The following CREB5 variants were observed in gnomAD, a reference collection of about 807,000 sequenced individuals.
The protein encoded by CREB5 is cyclic AMP-responsive element-binding protein 5.
In CREB5, 19 loss-of-function variants were observed where a neutral mutation model predicts 57.1. The ratio of observed to expected loss-of-function variants is 0.33; its 90% CI spans 0.23 to 0.49. CREB5 has a LOEUF of 0.49. CREB5 is among the 20% of genes least tolerant of loss of function. CREB5 has a pLI of 0.99. For synonymous variants in CREB5, 238 were observed against 238.3 expected, an observed-to-expected ratio of 1.00 and a Z score of 0.01; for missense variants, 579 against 671.6, an observed-to-expected ratio of 0.86 and a Z score of 1.52.
At chr7:28,756,589 T>C (rs1805325063) in intron 7 of CREB5, among the ~76,000 whole-genome samples, 1 of 150,584 alleles carries the variant, frequency 6.6e-6, no homozygotes, top group Admixed American at 6.6e-5. Flanking sequence ...TGAGTCTAAG[T>C]AGCCCTTGCA....
chr7:28,408,285 C>T (rs1787633168), upstream of CREB5, among the ~76,000 whole-genome samples: 2 of 152,194 alleles, frequency 1.3e-5, no homozygotes, highest in African/African-American at 4.8e-5. Context: ...CACGTGGTCG[C>T]AAGCGCTTTG....
At chr7:28,466,210 T>TAAAAAA (rs5883134) in intron 1 of CREB5, among the ~76,000 whole-genome samples, 1 of 94,746 alleles carries the variant, frequency 1.1e-5, no homozygotes, top group African/African-American at 4.0e-5. Flanking sequence ...TGACTGGAGT[T>TAAAAAA]AAAAAAAAAA....
At chr7:28,419,682 T>C (rs1257612601) in intron 1 of CREB5, among the ~76,000 whole-genome samples, 1 of 152,264 alleles carries the variant, frequency 6.6e-6, no homozygotes, top group African/African-American at 2.4e-5. Flanking sequence ...AATGTGCTTA[T>C]CATTTTTTTT....
At chr7:28,458,772 G>C (rs539742542) in intron 1 of CREB5, among the ~76,000 whole-genome samples, 1 of 152,186 alleles carries the variant, frequency 6.6e-6, no homozygotes, top group Non-Finnish European at 1.5e-5. Flanking sequence ...TCTTGGAAGA[G>C]GTGTCATGGG....
intron 1 of CREB5, among the ~76,000 whole-genome samples, chr7:28,391,611 C>T (rs1042807275): frequency 1.3e-5 from 2 of 152,218 alleles, no homozygotes; most frequent in Non-Finnish European, 2.9e-5. Context: ...TGGTCAATCA[C>T]TTGGCATCCC....
chr7:28,531,364 C>T (rs569664589), intron 4 of CREB5, among the ~76,000 whole-genome samples: 8 of 152,234 alleles, frequency 5.3e-5, no homozygotes, highest in South Asian at 2.1e-4. Flanking sequence ...CTCCTGGCTT[C>T]GAGTGTTTTG....
chr7:28,369,219 C>T lies in CREB5; in HGVS notation c.-25+69778C>T, dbSNP rs148583995. ...GCTCAATATGTAGTTGTTGAATAGA[C>T]GCAGAAATTTTTACTGTTTGCTACA... On this transcript the variant is annotated intron_variant, in intron 1 of 9. Transcript: ENST00000396299. Among the ~76,000 whole-genome samples, 44 of 152,230 alleles carry T rather than the reference C, an allele frequency of 2.9e-4. No individual in the cohort carries two copies. The East Asian group carries it at 7.4e-3, about 25-fold the overall frequency.
chr7:28,807,954 G>A (rs1808845294), intron 8 of CREB5, among the ~76,000 whole-genome samples: 1 of 152,128 alleles, frequency 6.6e-6, no homozygotes, highest in Non-Finnish European at 1.5e-5. Flanking sequence ...TATGTGTGGG[G>A]GTCTCCAAGC....
In CREB5 at chr7:28,617,882, G is replaced by GT. The variant is rs199915199; in HGVS notation, c.464+47346dup. ...TATTGAATGACTCCTTTGAGCAGCA[G>GT]TATAGGTGTCATAGTGGTGTCATAT... On this transcript the variant is annotated intron_variant, in intron 5 of 10. Coordinates refer to ENST00000357727, the MANE Select transcript of CREB5 (RefSeq NM_182898.4). 7.6e-3 allele frequency among the ~76,000 whole-genome samples: 1,152 copies of GT among 152,348 alleles called. 51 individuals are homozygous for GT. Among genetic ancestry groups the GT allele is most frequent in the Admixed American group, 0.069 (1,049 of 15,302 alleles).
intron 1 of CREB5, among the ~76,000 whole-genome samples, chr7:28,367,916 A>C (rs1397148052): frequency 6.6e-6 from 1 of 152,170 alleles, no homozygotes; most frequent in Non-Finnish European, 1.5e-5. Context: ...CTCCCTCCCT[A>C]GACTAAGATG....
intron 7 of CREB5, among the ~76,000 whole-genome samples, chr7:28,737,679 A>G (rs1273220656): frequency 6.6e-6 from 1 of 150,416 alleles, no homozygotes; most frequent in Non-Finnish European, 1.5e-5. Flanking sequence ...GCATAGTCTC[A>G]GGAAGGAGAA....
chr7:28,343,227 A>G (rs1413450658), intron 1 of CREB5, among the ~76,000 whole-genome samples: 1 of 152,236 alleles, frequency 6.6e-6, no homozygotes, highest in African/African-American at 2.4e-5. Context: ...GGCATGAGCC[A>G]CTGCGCCTGG....
chr7:28,341,070 C>T lies in CREB5; in HGVS notation c.-25+41629C>T, dbSNP rs113599372. On this transcript the variant is annotated intron_variant, in intron 1 of 9. Coordinates refer to the CREB5 transcript ENST00000396299. ...TTCTTCAGAGCCCCTTTCAGTGATA[C>T]GAAGTTAAAACTAGGTACTGTGACC... Among the ~76,000 whole-genome samples, 976 of 152,166 alleles carry T rather than the reference C, an allele frequency of 6.4e-3. 5 individuals are homozygous for T. Among genetic ancestry groups the T allele is most frequent in the African/African-American group, 0.022 (915 of 41,516 alleles).
rs114331485 is a variant in CREB5, at chr7:28,389,790, T to G, written c.-25+90349T>G. Reference sequence around the variant, plus strand: ...AACAAGCGTCCCTCTGCTGGCTTATTTAATGCAGAAGTCTGAGCGGCCCCT... The same window carrying G: ...AACAAGCGTCCCTCTGCTGGCTTATGTAATGCAGAAGTCTGAGCGGCCCCT... On this transcript the variant is annotated intron_variant, in intron 1 of 9. Transcript: ENST00000396299. 9.4e-3 allele frequency among the ~76,000 whole-genome samples: 1,437 copies of G among 152,258 alleles called. 24 individuals carry two copies. Among genetic ancestry groups the G allele is most frequent in the African/African-American group, 0.033 (1,371 of 41,562 alleles).
At chr7:28,468,979 G>C (rs961418187) in intron 1 of CREB5, among the ~76,000 whole-genome samples, 1 of 152,214 alleles carries the variant, frequency 6.6e-6, no homozygotes, top group African/African-American at 2.4e-5. Flanking sequence ...ATCTCCTAGA[G>C]ACTACATCTT....
At chr7:28,348,371 C>G (rs570669010) in intron 1 of CREB5, among the ~76,000 whole-genome samples, 94 of 113,928 alleles carry the variant, frequency 8.3e-4, no homozygotes, top group Admixed American at 1.5e-3. Flanking sequence ...CGCCTGCTTT[C>G]TCTCTCTCTC....
chr7:28,517,592 A>G (rs1215936579), intron 4 of CREB5, among the ~76,000 whole-genome samples: 3 of 152,156 alleles, frequency 2.0e-5, no homozygotes, highest in Admixed American at 6.5e-5. Flanking sequence ...ACCTATGTTC[A>G]TGTACTTTTT....
chr7:28,796,226 T>C (rs1382989741), intron 7 of CREB5, among the ~76,000 whole-genome samples: 1 of 152,156 alleles, frequency 6.6e-6, no homozygotes, highest in Non-Finnish European at 1.5e-5. Context: ...GTAATCTGGG[T>C]TTTTTGTCTC....
intron 5 of CREB5, among the ~76,000 whole-genome samples, chr7:28,653,154 C>T (rs566971327): frequency 8.3e-4 from 127 of 152,242 alleles, no homozygotes; most frequent in Middle Eastern, 3.4e-3. Context: ...TCCTTTTAAT[C>T]GAAACATGTG....
Sources: gnomAD v4.1 joint callset for allele counts (sites outside exome capture counted in the v4.1 genomes callset) on GRCh38, gnomAD v4.1.1 for gene constraint, MANE v1.5 for transcripts, NCBI Gene and HGNC (gene_info 2026-07-23, HGNC 2026-07-21) for gene names.